FAM83D: variants seen among roughly 807,000 people sequenced by gnomAD.
The protein encoded by FAM83D is scaffolding CK1 anchoring protein D, also known as protein FAM83D.
Under a neutral mutation model 25.4 loss-of-function variants are expected in FAM83D, and 26 were observed. The ratio of observed to expected loss-of-function variants is 1.02; its 90% CI spans 0.75 to 1.42. The LOEUF (loss-of-function observed/expected upper bound fraction) is 1.42, where lower values mean the gene tolerates loss of function less well. Among genes scored for constraint, FAM83D ranks in the 40% most tolerant of loss-of-function variants. The pLI, the probability that FAM83D is intolerant of heterozygous loss-of-function variation, is 0.00. For synonymous variants in FAM83D, 310 were observed against 318.5 expected (o/e 0.97, Z 0.28); for missense variants, 740 against 758.1 (o/e 0.98, Z 0.28).
Position 38,951,901 on chromosome 20 carries a change from A to C in FAM83D, c.1139A>C (p.Glu380Ala), listed in dbSNP as rs530780605. Residue 380 changes from glutamate to alanine, a missense_variant, in exon 4 of 4, where the codon GAG becomes GCG. Around this residue, in one of 3 missense-constraint regions of FAM83D, gnomAD observed 375 missense variants for 403.2 expected, o/e 0.93. Coordinates refer to ENST00000619850, the MANE Select transcript of FAM83D (RefSeq NM_030919.3). ...EEDYFSSHRD[E>A]LQSRKAIDAA... is the part of the protein sequence containing the mutation. The stretch of plus-strand genomic sequence containing the variant: ...GACTACTTCAGCAGCCACAGGGACG[A>C]GCTCCAGAGCAGAAAGGCCATTGAC... 2 of 1,614,174 alleles carry C rather than the reference A, an allele frequency of 1.2e-6. No individual in the cohort carries two copies. Among genetic ancestry groups the C allele is most frequent in the Admixed American group, 3.3e-5 (2 of 60,024 alleles).
At chr20:38,945,762 G>T (rs1046153540) in intron 2 of FAM83D, among the ~76,000 whole-genome samples, 168 of 9,140 alleles carry the variant, frequency 0.018, no homozygotes, top group Non-Finnish European at 0.028. Flanking sequence ...CCCACCCCCC[G>T]TTTTTTTTTT....
At chr20:38,944,598 G>C (rs2085718384) in intron 2 of FAM83D, among the ~76,000 whole-genome samples, 1 of 152,178 alleles carries the variant, frequency 6.6e-6, no homozygotes, top group African/African-American at 2.4e-5. Context: ...GCCTACTGTT[G>C]GTTGTTGCCT....
Position 38,926,537 on chromosome 20 carries a change from G to A in FAM83D, c.95G>A (p.Arg32Gln), listed in dbSNP as rs1449422656. ...CCGACCGAGCTGTTCAGCGAGTCACGGCGCCTGGCTCTGGAGGAGCTGGTG... is the reference window on the plus strand; with the variant it reads ...CCGACCGAGCTGTTCAGCGAGTCACAGCGCCTGGCTCTGGAGGAGCTGGTG... The part of the protein sequence containing the change: ...PNPTELFSES[R>Q]RLALEELVAG... Residue 32 changes from arginine (R) to glutamine (Q), a missense_variant, in exon 1 of 4, where the codon CGG becomes CAG. This residue lies in a region of FAM83D where 333 missense variants were observed against 298.6 expected (regional missense o/e 1.12). Transcript: ENST00000619850. 5 of 1,586,906 alleles carry A rather than the reference G, an allele frequency of 3.2e-6. No homozygotes were observed. Among genetic ancestry groups the A allele is most frequent in the African/African-American group, 1.3e-5 (1 of 74,450 alleles).
chr20:38,933,935 A>G (rs1304241058), intron 1 of FAM83D, among the ~76,000 whole-genome samples: 2 of 151,644 alleles, frequency 1.3e-5, no homozygotes, highest in Admixed American at 1.3e-4. Flanking sequence ...GCTCACTGCA[A>G]CTTCTGCCTC....
Position 38,951,788 on chromosome 20 carries a change from G to A in FAM83D, c.1026G>A (p.Arg342=), listed in dbSNP as rs1317399360. The change falls in exon 4 of 4, where the codon AGG becomes AGA. Residue 342 remains arginine, a synonymous_variant. Coordinates refer to ENST00000619850, the MANE Select transcript of FAM83D (RefSeq NM_030919.3). ...TGGCTAGGCTGTCAAGTACTCCCAG[G>A]AAGGCGGACCTGGACCCAGAGATGC... The part of the protein sequence containing the change: ...MRLARLSSTP[R]KADLDPEMPA... 5.0e-6 allele frequency: 8 copies of A among 1,614,052 alleles called. No individual in the cohort carries two copies. The highest frequency in any genetic ancestry group is 1.3e-5 in the African/African-American group (1 of 74,914).
chr20:38,934,883 TAAATA>T (rs976010089), intron 1 of FAM83D, among the ~76,000 whole-genome samples: 3 of 152,342 alleles, frequency 2.0e-5, no homozygotes, highest in Admixed American at 2.0e-4. Flanking sequence ...GGATTAAAAT[TAAATA>T]AAGATTCAGT....
chr20:38,948,530 C>T (rs2085739451), intron 3 of FAM83D, among the ~76,000 whole-genome samples: 1 of 152,204 alleles, frequency 6.6e-6, no homozygotes, highest in African/African-American at 2.4e-5. Context: ...TGAAGTGTCA[C>T]ATTGGCAATG....
intron 1 of FAM83D, among the ~76,000 whole-genome samples, chr20:38,937,214 C>T (rs1056087103): frequency 1.3e-5 from 2 of 152,190 alleles, no homozygotes; most frequent in Non-Finnish European, 2.9e-5. Flanking sequence ...TGAAAGTCAC[C>T]ACTCTCACGA....
chr20:38,950,221 A>T (rs1332066913), intron 3 of FAM83D, among the ~76,000 whole-genome samples: 2 of 152,170 alleles, frequency 1.3e-5, no homozygotes, highest in Non-Finnish European at 2.9e-5. Flanking sequence ...AATCCATTTG[A>T]TAAAGAAAAA....
At chr20:38,939,671 G>A (rs1024333118) in intron 1 of FAM83D, among the ~76,000 whole-genome samples, 21 of 152,102 alleles carry the variant, frequency 1.4e-4, no homozygotes, top group African/African-American at 4.8e-4. Flanking sequence ...AATTGCTTAG[G>A]CTGTATATAT....
At chr20:38,941,937 C>T (rs1345800844) in intron 1 of FAM83D, 22 bp from the exon 2 acceptor site, 3 of 1,612,810 alleles carry the variant, frequency 1.9e-6, no homozygotes. Context: ...TTATCATGTG[C>T]TCTTCCCTGT....
Position 38,926,693 on chromosome 20 carries a change from C to T in FAM83D, c.251C>T (p.Ala84Val), listed in dbSNP as rs1288435006. Reference sequence around the variant, plus strand: ...GGAGAGGAGGGCGCGGCGGCGGCGGCGGCGGCCGAGGACTCGTTCGGCTCC... The same window carrying T: ...GGAGAGGAGGGCGCGGCGGCGGCGGTGGCGGCCGAGGACTCGTTCGGCTCC... ...RPGEEGAAAA[A>V]AAEDSFGSSH... is the part of the protein sequence containing the mutation. Residue 84 changes from alanine to valine, a missense_variant, in exon 1 of 4, where the codon GCG becomes GTG. Around this residue, in one of 3 missense-constraint regions of FAM83D, gnomAD observed 333 missense variants for 298.6 expected, o/e 1.12. Transcript: ENST00000619850. 1 of 1,519,220 alleles carries T rather than the reference C, an allele frequency of 6.6e-7. No individual in the cohort carries two copies. The highest frequency in any genetic ancestry group is 1.7e-4 in the Middle Eastern group (1 of 5,830). The allele number at this position is 1,519,220 out of a possible 1,614,324, so 94.1% of individuals were successfully genotyped here.
intron 1 of FAM83D, 63 bp downstream of exon 1, chr20:38,926,988 G>T (rs2085638862): frequency 1.4e-5 from 20 of 1,402,710 alleles, no homozygotes; most frequent in Admixed American, 3.3e-5. Context: ...GGAAATTGAG[G>T]CCTGCTGGGA....
chr20:38,928,434 T>A (rs1005140604), intron 1 of FAM83D, among the ~76,000 whole-genome samples: 3 of 152,070 alleles, frequency 2.0e-5, no homozygotes, highest in Admixed American at 2.0e-4. Flanking sequence ...GTGCTTTGGG[T>A]GGACTGAGGG....
intron 3 of FAM83D, among the ~76,000 whole-genome samples, chr20:38,950,976 C>G (rs150724567): frequency 6.6e-6 from 1 of 152,108 alleles, no homozygotes; most frequent in African/African-American, 2.4e-5. Context: ...TGCACCACCA[C>G]GCCTGGCTAA....
chr20:38,939,488 G>A (rs534493224), intron 1 of FAM83D, among the ~76,000 whole-genome samples: 25 of 152,174 alleles, frequency 1.6e-4, no homozygotes, highest in African/African-American at 6.0e-4. Context: ...TAGCTGGGAT[G>A]ACAGGTGCAT....
chr20:38,943,708 G>A (rs2085713224), intron 2 of FAM83D, among the ~76,000 whole-genome samples: 1 of 151,888 alleles, frequency 6.6e-6, no homozygotes, highest in Non-Finnish European at 1.5e-5. Flanking sequence ...GTGTTTTTTT[G>A]AGATGGAATT....
chr20:38,929,179 GAAAAA>G (rs60923362), intron 1 of FAM83D, among the ~76,000 whole-genome samples: 1 of 126,960 alleles, frequency 7.9e-6, no homozygotes. Context: ...CTCCCTCTCG[GAAAAA>G]AAAAAAAAAA....
rs757902095 is a variant in FAM83D, at chr20:38,952,245, G to A, written c.1483G>A (p.Ala495Thr). The change falls in exon 4 of 4, where the codon GCT becomes ACT. Residue 495 changes from alanine (A) to threonine (T), a missense_variant. Ala to Thr is a moderately conservative substitution (Grantham distance 58). Transcript: ENST00000619850. The stretch of plus-strand genomic sequence containing the variant: ...TGTGGCAAGCTCCACTGGTTCTCCC[G>A]CTTCCATCAGAACCACTGACTTCCA... ...GSVASSTGSPASIRTTDFHNP... is the reference protein window; with the variant it reads ...GSVASSTGSPTSIRTTDFHNP... 5.0e-6 allele frequency: 8 copies of A among 1,613,966 alleles called. No individual in the cohort carries two copies. Among genetic ancestry groups the A allele is most frequent in the South Asian group, 2.2e-5 (2 of 91,082 alleles).
Sources: allele counts gnomAD v4.1 joint callset (sites outside exome capture counted in the v4.1 genomes callset), GRCh38; gene constraint gnomAD v4.1.1; regional missense constraint gnomAD v4.1.1; transcripts MANE v1.5; gene names NCBI Gene and HGNC (gene_info 2026-07-23, HGNC 2026-07-21).